TMEM161A: variants seen among roughly 807,000 people sequenced by gnomAD.
The protein encoded by TMEM161A is adaptive response to oxidative stress protein 29.
Under a neutral mutation model 57.1 loss-of-function variants are expected in TMEM161A, and 46 were observed. That is an observed-to-expected ratio of 0.81 (90% CI 0.64 to 1.03). TMEM161A has a LOEUF of 1.03. TMEM161A is among the 50% of genes least tolerant of loss of function. The pLI, the probability that TMEM161A is intolerant of heterozygous loss-of-function variation, is 0.00. For missense variants in TMEM161A, 601 were observed against 621.5 expected (o/e 0.97, Z 0.35); for synonymous variants, 288 against 279.0 (o/e 1.03, Z -0.32).
At chr19:19,127,186 A>G (rs2059934609) in intron 6 of TMEM161A, among the ~76,000 whole-genome samples, 2 of 152,166 alleles carry the variant, frequency 1.3e-5, no homozygotes, top group African/African-American at 4.8e-5. Context: ...TGGGGTCTCA[A>G]AGAGATACCT....
At chr19:19,124,225 T>C (rs1435166837) in intron 6 of TMEM161A, among the ~76,000 whole-genome samples, 1 of 152,168 alleles carries the variant, frequency 6.6e-6, no homozygotes, top group African/African-American at 2.4e-5. Flanking sequence ...GATAGGGAAA[T>C]TGAGAGCTCT....
At chr19:19,126,886 T>TA (rs1409051857) in intron 6 of TMEM161A, among the ~76,000 whole-genome samples, 2 of 150,700 alleles carry the variant, frequency 1.3e-5, no homozygotes, top group African/African-American at 4.9e-5. Flanking sequence ...AAAATAAAAA[T>TA]AAAAAAATAA....
chr19:19,136,341 G>A (rs59170875), intron 1 of TMEM161A, among the ~76,000 whole-genome samples: 41 of 152,168 alleles, frequency 2.7e-4, no homozygotes, highest in East Asian at 1.4e-3. Flanking sequence ...GATGGGTACC[G>A]GGCCTAGCAC....
rs1198734870 is a variant in TMEM161A at position 19,121,399 on chromosome 19, G to A, written c.823C>T (p.Leu275=). The change falls in exon 9 of 12, where the codon CTG becomes TTG. Residue 275 remains leucine, a synonymous_variant. Coordinates refer to ENST00000162044, the MANE Select transcript of TMEM161A (RefSeq NM_017814.3). This position sits in a 1 kb window ranked among gnomAD's most constrained non-coding sequence, Gnocchi z 5.8. ...MLQFLLHTSF[L]SPLFILWLWT... ...AGCCACAGGATGAACAGGGGAGACAGGAAGCTGGTGTGCAGGAGGAACCTG... is the reference window on the plus strand; with the variant it reads ...AGCCACAGGATGAACAGGGGAGACAAGAAGCTGGTGTGCAGGAGGAACCTG... The A allele has an allele frequency of 6.2e-7, 1 of 1,613,314 alleles. No homozygotes were observed. Among genetic ancestry groups the A allele is most frequent in the Admixed American group, 1.7e-5 (1 of 59,924 alleles).
In TMEM161A at chr19:19,133,183, C is replaced by T. The variant is rs1568538776; in HGVS notation, c.135G>A (p.Glu45=). ...TCCCCGCCAGGGCCCGAAGCTCCTCCTCAGACGGGTGCTTGTATCGGAACA... is the reference window on the plus strand; with the variant it reads ...TCCCCGCCAGGGCCCGAAGCTCCTCTTCAGACGGGTGCTTGTATCGGAACA... ...GSLFRYKHPS[E]EELRALAGKP... is the part of the protein sequence containing the mutation. The change falls in exon 3 of 12, where the codon GAG becomes GAA. Residue 45 remains glutamate (E), a synonymous_variant. Transcript: ENST00000162044. The T allele has an allele frequency of 6.2e-7, 1 of 1,614,188 alleles. No homozygotes were observed. Among genetic ancestry groups the T allele is most frequent in the East Asian group, 2.2e-5 (1 of 44,874 alleles).
At chr19:19,136,336 G>A (rs542883560) in intron 1 of TMEM161A, among the ~76,000 whole-genome samples, 2 of 152,074 alleles carry the variant, frequency 1.3e-5, no homozygotes, top group African/African-American at 4.8e-5. Context: ...AATGTGATGG[G>A]TACCGGGCCT....
intron 2 of TMEM161A, among the ~76,000 whole-genome samples, chr19:19,134,539 T>G (rs2059975542): frequency 6.6e-6 from 1 of 152,052 alleles, no homozygotes; most frequent in Non-Finnish European, 1.5e-5. Flanking sequence ...GAGGTTGAGG[T>G]TGCAGTGAGC....
Position 19,132,763 on chromosome 19 carries a change from A to C in TMEM161A, c.189-9T>G, listed in dbSNP as rs779120543. 2 of 1,527,250 alleles carry C rather than the reference A, an allele frequency of 1.3e-6. No homozygotes were observed. The highest frequency in any genetic ancestry group is 8.8e-7 in the Non-Finnish European group (1 of 1,136,756). 94.6% of individuals were successfully genotyped at this position (1,527,250 alleles called of 1,614,324 possible). On this transcript the variant is annotated splice_polypyrimidine_tract_variant and intron_variant, in intron 3 of 11. Transcript: ENST00000162044. The surrounding 1 kb of genome is among the most constrained non-coding windows in gnomAD (Gnocchi z 4.3). ...TAAGGCCATTGGCCCACCTGGGAGG[A>C]TGGTGACAAGCAAGAGGGACGGTGA...
In TMEM161A at chr19:19,121,269, G is replaced by A; in HGVS notation, c.914+39C>T. 6.4e-7 allele frequency: 1 copy of A among 1,552,900 alleles called. No homozygotes were observed. The highest frequency in any genetic ancestry group is 8.7e-7 in the Non-Finnish European group (1 of 1,147,636). On this transcript the variant is annotated intron_variant, in intron 9 of 11. Transcript: ENST00000162044. This position sits in a 1 kb window ranked among gnomAD's most constrained non-coding sequence, Gnocchi z 5.8. ...GAATCTCAGAGGCTAGGGCACCCAG[G>A]GGAGCCCCAGCTACCTCCTAGCCCC... is the stretch of plus-strand genomic sequence containing the variant.
In TMEM161A at chr19:19,130,149, CA is replaced by C. The variant is rs1365944578; in HGVS notation, c.595+6del. 7 of 1,612,582 alleles carry C rather than the reference CA, an allele frequency of 4.3e-6. No individual in the cohort carries two copies. The African/African-American group carries it at 8.0e-5, about 18-fold the overall frequency. ...TGCGGTGGCCCCACGTTGGGGGCTGCACTTACCAGGCTCCAGGCCCAGCTCG... is the reference window on the plus strand; with the variant it reads ...TGCGGTGGCCCCACGTTGGGGGCTGCCTTACCAGGCTCCAGGCCCAGCTCG... On this transcript the variant is annotated splice_donor_region_variant and intron_variant, in intron 6 of 11. Coordinates refer to ENST00000162044, the MANE Select transcript of TMEM161A (RefSeq NM_017814.3).
chr19:19,120,438 C>G (rs76379250), intron 11 of TMEM161A, among the ~76,000 whole-genome samples: 1 of 147,506 alleles, frequency 6.8e-6, no homozygotes, highest in Non-Finnish European at 1.5e-5. Context: ...CCTGCCAAGA[C>G]GCAACCCCTC....
chr19:19,128,562 G>A (rs1223637312), intron 6 of TMEM161A, among the ~76,000 whole-genome samples: 1 of 139,492 alleles, frequency 7.2e-6, no homozygotes, highest in Non-Finnish European at 1.5e-5. Context: ...TTTTGAGACG[G>A]AGTTTCACTC....
In TMEM161A at chr19:19,132,296, A is replaced by T. The variant is rs1381229094; in HGVS notation, c.443+56T>A. 3.2e-6 allele frequency: 5 copies of T among 1,549,466 alleles called. No homozygotes were observed. The highest frequency in any genetic ancestry group is 4.4e-6 in the Non-Finnish European group (5 of 1,147,746). On this transcript the variant is annotated intron_variant, in intron 5 of 11. Transcript: ENST00000162044. The surrounding 1 kb of genome is among the most constrained non-coding windows in gnomAD (Gnocchi z 4.3). ...CCACACCAGTTTAGGGGAGCCAGGG[A>T]AGCTCAGGTCCTGCTCCCACCCGCC...
Position 19,121,424 on chromosome 19 carries a change from G to A in TMEM161A, c.801-3C>T. 6.2e-7 allele frequency: 1 copy of A among 1,613,768 alleles called. No homozygotes were observed. Among genetic ancestry groups the A allele is most frequent in the Non-Finnish European group, 8.5e-7 (1 of 1,179,738 alleles). On this transcript the variant is annotated splice_polypyrimidine_tract_variant and splice_region_variant and intron_variant, in intron 8 of 11. Coordinates refer to ENST00000162044, the MANE Select transcript of TMEM161A (RefSeq NM_017814.3). This position sits in a 1 kb window ranked among gnomAD's most constrained non-coding sequence, Gnocchi z 5.8. ...GGAAGCTGGTGTGCAGGAGGAACCT[G>A]GGGGGTGAGGGCAGGAGGGAGTGAG... is the stretch of plus-strand genomic sequence containing the variant.
rs1386676955 is a variant in TMEM161A, at chr19:19,121,789, G to A, written c.626C>T (p.Pro209Leu). ...GTCCCAGCCCTGCTTCTTCAGAAGTGGCTCTAAGTTCTGGGTCATGCTGGC... is the reference window on the plus strand; with the variant it reads ...GTCCCAGCCCTGCTTCTTCAGAAGTAGCTCTAAGTTCTGGGTCATGCTGGC... ...GLASMTQNLE[P>L]LLKKQGWDWA... The change falls in exon 7 of 12, where the codon CCA becomes CTA. Residue 209 changes from proline to leucine, a missense_variant. Coordinates refer to ENST00000162044, the MANE Select transcript of TMEM161A (RefSeq NM_017814.3). The surrounding 1 kb of genome is among the most constrained non-coding windows in gnomAD (Gnocchi z 5.8). 6.2e-7 allele frequency: 1 copy of A among 1,613,982 alleles called. No individual in the cohort carries two copies. The highest frequency in any genetic ancestry group is 8.5e-7 in the Non-Finnish European group (1 of 1,180,002).
rs186924354 is a variant in TMEM161A at position 19,119,606 on chromosome 19, C to G, written c.*324G>C. The G allele has an allele frequency of 5.6e-6, 2 of 354,582 alleles. No individual in the cohort carries two copies. Among genetic ancestry groups the G allele is most frequent in the Non-Finnish European group, 1.1e-5 (2 of 184,912 alleles). 22.0% of individuals were successfully genotyped at this position (354,582 alleles called of 1,614,324 possible). A position where few individuals can be genotyped will look rare whatever the true frequency, so the allele number is the denominator to read the frequency against. On this transcript the variant is annotated 3_prime_UTR_variant, in exon 12 of 12. Transcript: ENST00000162044. ...CTGCACAAGCCCGAGTCCCAAACCACTCAGACCCTGTTTGTAAAAATCGGC... is the reference window on the plus strand; with the variant it reads ...CTGCACAAGCCCGAGTCCCAAACCAGTCAGACCCTGTTTGTAAAAATCGGC...
Position 19,120,836 on chromosome 19 carries a change from G to A in TMEM161A, c.1115C>T (p.Thr372Ile), listed in dbSNP as rs752111746. 8 of 1,613,350 alleles carry A rather than the reference G, an allele frequency of 5.0e-6. No individual in the cohort carries two copies. The East Asian group carries it at 1.6e-4, about 31-fold the overall frequency. ...QRVVRVYCYVTVVSLQYLTPL... is the reference protein window; with the variant it reads ...QRVVRVYCYVIVVSLQYLTPL... ...CGTCAGGTACTGCAAGCTCACCACG[G>A]TCACATAGCAGTAGACTCGGACCAC... The change falls in exon 11 of 12, where the codon ACC becomes ATC. Residue 372 changes from threonine to isoleucine, a missense_variant. By Grantham distance (89) the Thr-to-Ile change is moderately conservative (BLOSUM62 -1). Transcript: ENST00000162044.
rs1325786783 is a variant in TMEM161A at position 19,134,901 on chromosome 19, A to G, written c.4-14T>C. On this transcript the variant is annotated splice_polypyrimidine_tract_variant and intron_variant, in intron 1 of 11. Transcript: ENST00000162044. ...TCCGAGGACCGCCTGGGGGGAGGGGACATGACTGGCAGCACCTGCCAGAGG... is the reference window on the plus strand; with the variant it reads ...TCCGAGGACCGCCTGGGGGGAGGGGGCATGACTGGCAGCACCTGCCAGAGG... 1.3e-6 allele frequency: 2 copies of G among 1,557,264 alleles called. No individual in the cohort carries two copies. The highest frequency in any genetic ancestry group is 1.9e-5 in the Admixed American group (1 of 53,618).
chr19:19,126,799 G>C (rs568805224), intron 6 of TMEM161A, among the ~76,000 whole-genome samples: 79 of 152,324 alleles, frequency 5.2e-4, no homozygotes, highest in African/African-American at 1.8e-3. Flanking sequence ...GAGCCTGGAA[G>C]GTGGAGGTTG....
Sources: allele counts gnomAD v4.1 joint callset (sites outside exome capture counted in the v4.1 genomes callset), GRCh38; gene constraint gnomAD v4.1.1; non-coding constraint Gnocchi (gnomAD v3.1); transcripts MANE v1.5; gene names NCBI Gene and HGNC (gene_info 2026-07-23, HGNC 2026-07-21).